AGAP1: variants seen among roughly 807,000 people sequenced by gnomAD.
The protein encoded by AGAP1 is ArfGAP with GTPase domain, ankyrin repeat and PH domain 1.
Under a neutral mutation model 105.3 loss-of-function variants are expected in AGAP1, and 29 were observed. The ratio of observed to expected loss-of-function variants is 0.28; its 90% CI spans 0.21 to 0.38. The LOEUF (loss-of-function observed/expected upper bound fraction) is 0.38, where lower values mean the gene tolerates loss of function less well. Among genes scored for constraint, AGAP1 ranks in the 10% least tolerant of loss-of-function variants. The pLI is 1.00. For missense variants in AGAP1, 998 were observed against 1,165.1 expected (o/e 0.86, Z 2.09); for synonymous variants, 509 against 485.9 (o/e 1.05, Z -0.63).
Position 235,555,355 on chromosome 2 carries a change from A to T in AGAP1, c.163+60506A>T, listed in dbSNP as rs1255658037. Among the ~76,000 whole-genome samples, 5 of 152,178 alleles carry T rather than the reference A, an allele frequency of 3.3e-5. No homozygotes were observed. Among genetic ancestry groups the T allele is most frequent in the African/African-American group, 9.7e-5 (4 of 41,436 alleles). On this transcript the variant is annotated intron_variant, in intron 1 of 17. Coordinates refer to ENST00000304032, the MANE Select transcript of AGAP1 (RefSeq NM_001037131.3). This position sits in a 1 kb window ranked among gnomAD's most constrained non-coding sequence, Gnocchi z 5.1. ...CCAGTCCAGTCTGCAAAGCCTGGCCACTTGCACAGGAAGATGCTCATAGAT... is the reference window on the plus strand; with the variant it reads ...CCAGTCCAGTCTGCAAAGCCTGGCCTCTTGCACAGGAAGATGCTCATAGAT...
At chr2:235,779,542 G>T (rs541888480) in intron 6 of AGAP1, among the ~76,000 whole-genome samples, 4 of 152,264 alleles carry the variant, frequency 2.6e-5, no homozygotes, top group African/African-American at 9.6e-5. Flanking sequence ...GGCTCTCCGG[G>T]TTCTGCCCTT....
intron 1 of AGAP1, among the ~76,000 whole-genome samples, chr2:235,677,211 A>G (rs1025359755): frequency 3.3e-5 from 5 of 152,040 alleles, no homozygotes; most frequent in South Asian, 2.1e-4. Context: ...TTTTCTTACC[A>G]TCTTTTATTG....
intron 11 of AGAP1, among the ~76,000 whole-genome samples, chr2:235,916,465 A>G (rs1004903257): frequency 6.6e-6 from 1 of 152,372 alleles, no homozygotes; most frequent in African/African-American, 2.4e-5. Flanking sequence ...ACATGTAACA[A>G]TGCAGAGTTG....
chr2:235,877,765 T>C lies in AGAP1; in HGVS notation c.1051-5580T>C, dbSNP rs1442147393. 1.3e-5 allele frequency among the ~76,000 whole-genome samples: 2 copies of C among 152,218 alleles called. No individual in the cohort carries two copies. Among genetic ancestry groups the C allele is most frequent in the Admixed American group, 6.5e-5 (1 of 15,288 alleles). ...GGTTTCCCTTGCATCTCAAATTTGC[T>C]CAGACCGTCTGGGGATCTTGTTACA... On this transcript the variant is annotated intron_variant, in intron 9 of 17. Coordinates refer to ENST00000304032, the MANE Select transcript of AGAP1 (RefSeq NM_001037131.3). The surrounding 1 kb of genome is among the most constrained non-coding windows in gnomAD (Gnocchi z 4.3).
chr2:235,781,598 G>A (rs1230682581), intron 6 of AGAP1, among the ~76,000 whole-genome samples: 1 of 152,138 alleles, frequency 6.6e-6, no homozygotes, highest in Non-Finnish European at 1.5e-5. Context: ...ATTGAATGCA[G>A]ACAGTTTTTC....
intron 13 of AGAP1, among the ~76,000 whole-genome samples, chr2:236,025,756 G>A (rs1167014541): frequency 1.3e-5 from 2 of 152,166 alleles, no homozygotes; most frequent in African/African-American, 2.4e-5. Flanking sequence ...AAAAGGAGAC[G>A]CTGGGCGTGG....
At position 236,027,011 on chromosome 2, in the gene AGAP1, G is replaced by A. The variant is rs1256242617; in HGVS notation, c.1646-9550G>A. ...GCAAAAATGGCTGTAAAGTCCTGGC[G>A]TTGTGCCTGACAGAATTTGGAGCCC... On this transcript the variant is annotated intron_variant, in intron 13 of 17. Coordinates refer to ENST00000304032, the MANE Select transcript of AGAP1 (RefSeq NM_001037131.3). The surrounding 1 kb of genome is among the most constrained non-coding windows in gnomAD (Gnocchi z 4.4). 6.6e-6 allele frequency among the ~76,000 whole-genome samples: 1 copy of A among 152,146 alleles called. No homozygotes were observed. Among genetic ancestry groups the A allele is most frequent in the Non-Finnish European group, 1.5e-5 (1 of 68,026 alleles).
In AGAP1 at chr2:235,888,810, G is replaced by A. The variant is rs914179094; in HGVS notation, c.1155+5361G>A. On this transcript the variant is annotated intron_variant, in intron 10 of 17. Coordinates refer to ENST00000304032, the MANE Select transcript of AGAP1 (RefSeq NM_001037131.3). This position sits in a 1 kb window ranked among gnomAD's most constrained non-coding sequence, Gnocchi z 4.8. The stretch of plus-strand genomic sequence containing the variant: ...TCCCTGTGGCCACTTCAGCTCCTGC[G>A]TGCTCCCAGCAGTGCCAGCATCCTC... 2.0e-5 allele frequency among the ~76,000 whole-genome samples: 3 copies of A among 152,016 alleles called. No homozygotes were observed. Among genetic ancestry groups the A allele is most frequent in the Admixed American group, 6.5e-5 (1 of 15,274 alleles).
chr2:235,591,680 A>G (rs1032301289), intron 1 of AGAP1, among the ~76,000 whole-genome samples: 3 of 152,188 alleles, frequency 2.0e-5, no homozygotes, highest in African/African-American at 7.2e-5. Context: ...TGCTTGGGTC[A>G]TGGGGGTGAA....
intron 9 of AGAP1, among the ~76,000 whole-genome samples, chr2:235,829,247 GGAGA>G (rs879314409): frequency 1.1e-3 from 172 of 151,954 alleles, no homozygotes; most frequent in Non-Finnish European, 2.1e-3. Flanking sequence ...TTCGTTTTCT[GGAGA>G]GAGAGAGAGA....
chr2:235,674,181 C>G (rs367609575), intron 1 of AGAP1, among the ~76,000 whole-genome samples: 2 of 152,166 alleles, frequency 1.3e-5, no homozygotes, highest in South Asian at 4.1e-4. Context: ...ACAGTTGCCT[C>G]GGTGAGTTCA....
In AGAP1 at chr2:235,964,486, C is replaced by CTG. The variant is rs2054309821; in HGVS notation, c.1484-3975_1484-3974dup. On this transcript the variant is annotated intron_variant, in intron 12 of 17. Transcript: ENST00000304032. This position sits in a 1 kb window ranked among gnomAD's most constrained non-coding sequence, Gnocchi z 4.6. The stretch of plus-strand genomic sequence containing the variant: ...ATGGGATGGTAAAGACTTGGGAACC[C>CTG]TGGGCAGAAAATATTTAAAATGAGC... 6.6e-6 allele frequency among the ~76,000 whole-genome samples: 1 copy of CTG among 151,964 alleles called. No individual in the cohort carries two copies. Among genetic ancestry groups the CTG allele is most frequent in the Non-Finnish European group, 1.5e-5 (1 of 68,002 alleles).
intron 9 of AGAP1, among the ~76,000 whole-genome samples, chr2:235,819,591 C>G (rs1470324119): frequency 6.6e-6 from 1 of 152,136 alleles, no homozygotes; most frequent in Non-Finnish European, 1.5e-5. Flanking sequence ...TGAAAATTTT[C>G]CTAGCCGTGA....
intron 1 of AGAP1, among the ~76,000 whole-genome samples, chr2:235,704,806 G>T (rs925859408): frequency 6.6e-6 from 1 of 152,138 alleles, no homozygotes; most frequent in African/African-American, 2.4e-5. Flanking sequence ...TTGCCAAGGA[G>T]GTCAAGGGGG....
At chr2:236,103,103 G>A (rs763258059) in intron 16 of AGAP1, among the ~76,000 whole-genome samples, 1 of 149,156 alleles carries the variant, frequency 6.7e-6, no homozygotes, top group Non-Finnish European at 1.5e-5. Flanking sequence ...AGAAGACTCA[G>A]CCCCCTGCAC....
chr2:235,672,986 G>T (rs1174489537), intron 1 of AGAP1, among the ~76,000 whole-genome samples: 1 of 152,186 alleles, frequency 6.6e-6, no homozygotes, highest in African/African-American at 2.4e-5. Context: ...ATTGTGGGTT[G>T]TATAGAAAAA....
chr2:235,784,557 C>G (rs190505722), intron 6 of AGAP1, among the ~76,000 whole-genome samples: 1 of 138,328 alleles, frequency 7.2e-6, no homozygotes, highest in East Asian at 2.2e-4. Flanking sequence ...GTGCTGTGAG[C>G]GATTACAATG....
chr2:236,046,493 A>G lies in AGAP1; in HGVS notation c.1892-2566A>G, dbSNP rs1396142282. On this transcript the variant is annotated intron_variant, in intron 15 of 17. Coordinates refer to ENST00000304032, the MANE Select transcript of AGAP1 (RefSeq NM_001037131.3). This position sits in a 1 kb window ranked among gnomAD's most constrained non-coding sequence, Gnocchi z 5.2. Reference sequence around the variant, plus strand: ...AACCTTGTGATTGGCTGTGGGAATGATGGAAGAATTAAGGTGGACCCCTGG... The same window carrying G: ...AACCTTGTGATTGGCTGTGGGAATGGTGGAAGAATTAAGGTGGACCCCTGG... Among the ~76,000 whole-genome samples, 1 of 152,184 alleles carries G rather than the reference A, an allele frequency of 6.6e-6. No individual in the cohort carries two copies. Among genetic ancestry groups the G allele is most frequent in the Non-Finnish European group, 1.5e-5 (1 of 68,030 alleles).
At chr2:235,839,275 T>A (rs1960524665) in intron 9 of AGAP1, among the ~76,000 whole-genome samples, 1 of 152,220 alleles carries the variant, frequency 6.6e-6, no homozygotes, top group Admixed American at 6.5e-5. Flanking sequence ...GTTGGACCAG[T>A]GATTTTCAAC....
Sources: allele counts gnomAD v4.1 joint callset (sites outside exome capture counted in the v4.1 genomes callset), GRCh38; gene constraint gnomAD v4.1.1; non-coding constraint Gnocchi (gnomAD v3.1); transcripts MANE v1.5; gene names NCBI Gene and HGNC (gene_info 2026-07-23, HGNC 2026-07-21).